Variants in SPAG16 observed in about 807,000 individuals in gnomAD.
The protein encoded by SPAG16 is sperm-associated antigen 16 protein.
In SPAG16, 86 loss-of-function variants were observed where a neutral mutation model predicts 80.4. The ratio of observed to expected loss-of-function variants is 1.07; its 90% CI spans 0.90 to 1.28. The LOEUF is 1.28. Ranked by LOEUF, SPAG16 falls within the 50% of genes most tolerant of loss-of-function variation. The pLI is 0.00. For missense variants in SPAG16, 870 were observed against 765.3 expected (o/e 1.14, Z -1.61); for synonymous variants, 294 against 265.9 (o/e 1.11, Z -1.03).
chr2:213,554,960 C>G (rs555938873), intron 10 of SPAG16, among the ~76,000 whole-genome samples: 2 of 151,468 alleles, frequency 1.3e-5, no homozygotes, highest in Non-Finnish European at 2.9e-5. Context: ...TTTCCAAACC[C>G]GAGAAAGATA....
chr2:214,119,519 CT>C (rs1423757984), intron 14 of SPAG16, among the ~76,000 whole-genome samples: 1 of 152,060 alleles, frequency 6.6e-6, no homozygotes, highest in East Asian at 1.9e-4. Flanking sequence ...CCTCACCTGA[CT>C]TCAAATTTCC....
At position 214,224,299 on chromosome 2, in the gene SPAG16, A is replaced by G. The variant is rs191932711; in HGVS notation, c.1720+75033A>G. On this transcript the variant is annotated intron_variant, in intron 15 of 15. Coordinates refer to ENST00000331683, the MANE Select transcript of SPAG16 (RefSeq NM_024532.5). ...TTGCTAACTAATTAAAATGTTTCAC[A>G]AACAATGACTTGATTTCTTAAAAAT... 3.3e-4 allele frequency among the ~76,000 whole-genome samples: 50 copies of G among 152,334 alleles called. No individual in the cohort carries two copies. The East Asian group carries it at 9.4e-3, about 29-fold the overall frequency.
At chr2:213,432,986 A>C (rs1364127813) in intron 9 of SPAG16, among the ~76,000 whole-genome samples, 1 of 152,200 alleles carries the variant, frequency 6.6e-6, no homozygotes, top group East Asian at 1.9e-4. Flanking sequence ...TCACACAAAC[A>C]AAATTAAGGA....
intron 15 of SPAG16, among the ~76,000 whole-genome samples, chr2:214,247,846 A>G (rs1324610131): frequency 1.3e-5 from 2 of 152,112 alleles, no homozygotes; most frequent in Non-Finnish European, 2.9e-5. Context: ...AGCTTGGGCA[A>G]CAGAGTGAGA....
intron 9 of SPAG16, among the ~76,000 whole-genome samples, chr2:213,462,216 G>A (rs1229428666): frequency 6.6e-6 from 1 of 152,102 alleles, no homozygotes; most frequent in East Asian, 1.9e-4. Flanking sequence ...AGTGAAAATA[G>A]GGAATTCCTA....
At chr2:214,054,272 A>C (rs1251880995) in intron 13 of SPAG16, among the ~76,000 whole-genome samples, 2 of 152,182 alleles carry the variant, frequency 1.3e-5, no homozygotes, top group African/African-American at 2.4e-5. Context: ...GGCCTCCCAA[A>C]GTGCTGGGAT....
intron 11 of SPAG16, among the ~76,000 whole-genome samples, chr2:213,916,902 T>C (rs866352426): frequency 1.3e-5 from 2 of 152,242 alleles, no homozygotes; most frequent in African/African-American, 2.4e-5. Context: ...TCCTAGGTTA[T>C]CTTCCAGGGT....
chr2:214,123,173 A>G (rs1437206384), intron 14 of SPAG16, among the ~76,000 whole-genome samples: 2 of 151,934 alleles, frequency 1.3e-5, no homozygotes, highest in African/African-American at 4.8e-5. Flanking sequence ...GAAGTATTCT[A>G]TCTTTATTTC....
chr2:213,539,558 T>TG (rs2076360076), intron 10 of SPAG16, among the ~76,000 whole-genome samples: 1 of 152,180 alleles, frequency 6.6e-6, no homozygotes, highest in Non-Finnish European at 1.5e-5. Flanking sequence ...CAGACCTATT[T>TG]GGTGTTTGGC....
At position 214,108,239 on chromosome 2, in the gene SPAG16, A is replaced by T; in HGVS notation, c.1571A>T (p.Asn524Ile). The change falls in exon 14 of 16, where the codon AAT becomes ATT. Residue 524 changes from asparagine to isoleucine, a missense_variant. Asn to Ile is a moderately radical substitution (Grantham distance 149). Transcript: ENST00000331683. ...CTTTATGGTCACATGCATTCTATCA[A>T]TGATGCCATTTTTGATCCCAGGGTA... ...QSLYGHMHSI[N>I]DAIFDPRGHM... 1 of 1,602,030 alleles carries T rather than the reference A, an allele frequency of 6.2e-7. No individual in the cohort carries two copies. Among genetic ancestry groups the T allele is most frequent in the Non-Finnish European group, 8.5e-7 (1 of 1,170,994 alleles).
intron 10 of SPAG16, among the ~76,000 whole-genome samples, chr2:213,764,188 A>G (rs2068809774): frequency 6.6e-6 from 1 of 151,988 alleles, no homozygotes; most frequent in South Asian, 2.1e-4. Flanking sequence ...TAAAATGATG[A>G]CTAAGTTTTT....
chr2:213,659,332 TAAA>T (rs1176270395), intron 10 of SPAG16, among the ~76,000 whole-genome samples: 12 of 134,024 alleles, frequency 9.0e-5, no homozygotes, highest in Admixed American at 8.3e-4. Flanking sequence ...CCAATCATCT[TAAA>T]AAAAAAAAAA....
chr2:213,541,272 A>T (rs1026375268), intron 10 of SPAG16, among the ~76,000 whole-genome samples: 3 of 152,156 alleles, frequency 2.0e-5, no homozygotes, highest in Non-Finnish European at 4.4e-5. Context: ...CCTTACCATT[A>T]GGATGCAGAA....
intron 10 of SPAG16, among the ~76,000 whole-genome samples, chr2:213,681,536 A>G (rs1479299896): frequency 6.6e-6 from 1 of 152,130 alleles, no homozygotes; most frequent in Non-Finnish European, 1.5e-5. Context: ...ATTGTTGCAG[A>G]GGGATTAACA....
intron 12 of SPAG16, among the ~76,000 whole-genome samples, chr2:213,954,404 T>A (rs986395186): frequency 6.6e-6 from 1 of 152,136 alleles, no homozygotes; most frequent in African/African-American, 2.4e-5. Flanking sequence ...ATATACCACA[T>A]TTGTCTATCT....
intron 9 of SPAG16, among the ~76,000 whole-genome samples, chr2:213,469,180 C>T (rs1575670935): frequency 6.6e-6 from 1 of 152,236 alleles, no homozygotes; most frequent in East Asian, 1.9e-4. Flanking sequence ...TGAACCCATA[C>T]ACATGTCCTG....
intron 13 of SPAG16, among the ~76,000 whole-genome samples, chr2:214,036,817 T>A (rs191454393): frequency 0.017 from 2,658 of 152,288 alleles, 40 homozygotes; most frequent in South Asian, 0.033. Context: ...AAACATATAG[T>A]CCAACTATGG....
At chr2:213,331,991 C>CA (rs1244008244) in intron 5 of SPAG16, among the ~76,000 whole-genome samples, 1 of 151,674 alleles carries the variant, frequency 6.6e-6, no homozygotes, top group African/African-American at 2.4e-5. Flanking sequence ...GCTAGCAAAG[C>CA]AAGAGCAAAC....
intron 15 of SPAG16, among the ~76,000 whole-genome samples, chr2:214,376,450 A>G (rs1700136792): frequency 6.6e-6 from 1 of 152,084 alleles, no homozygotes; most frequent in African/African-American, 2.4e-5. Context: ...TTCCTTAAGC[A>G]TTTCTTCAAA....
Sources: gnomAD v4.1 joint callset for allele counts (sites outside exome capture counted in the v4.1 genomes callset) on GRCh38, gnomAD v4.1.1 for gene constraint, MANE v1.5 for transcripts, NCBI Gene and HGNC (gene_info 2026-07-23, HGNC 2026-07-21) for gene names.